Variants in ATP8B4 observed in about 807,000 individuals in gnomAD.
The protein encoded by ATP8B4 is probable phospholipid-transporting ATPase IM.
ATP8B4 carries 133 observed loss-of-function variants against 145.6 expected under a neutral mutation model. The observed-to-expected ratio is 0.91, with a 90% CI of 0.79 to 1.05. The LOEUF is 1.05. ATP8B4 is among the 50% of genes least tolerant of loss of function. The pLI is 0.00. For synonymous variants in ATP8B4, 507 were observed against 492.9 expected (o/e 1.03, Z -0.38); for missense variants, 1,458 against 1,425.2 (o/e 1.02, Z -0.37).
chr15:49,944,721 T>C (rs1421745750), intron 14 of ATP8B4, among the ~76,000 whole-genome samples: 2 of 152,020 alleles, frequency 1.3e-5, no homozygotes, highest in Admixed American at 1.3e-4. Flanking sequence ...GGACCCAACA[T>C]ATATACAACA....
chr15:50,082,375 GA>G (rs908057197), intron 2 of ATP8B4, among the ~76,000 whole-genome samples: 7 of 150,190 alleles, frequency 4.7e-5, no homozygotes, highest in African/African-American at 1.2e-4. Flanking sequence ...AGAATAGAAG[GA>G]AAAAAAAACC....
At chr15:50,072,960 CTCTCTCTCTCTCTCTCTCTCT>C (rs2053875571) in intron 3 of ATP8B4, among the ~76,000 whole-genome samples, 1 of 33,306 alleles carries the variant, frequency 3.0e-5, no homozygotes, top group Non-Finnish European at 5.3e-5. Flanking sequence ...CTCTCTCTCT[CTCTCTCTCTCTCTCTCTCTCT>C]ATATATATAT....
At chr15:49,891,413 C>T (rs2036777531) in intron 23 of ATP8B4, among the ~76,000 whole-genome samples, 1 of 152,078 alleles carries the variant, frequency 6.6e-6, no homozygotes, top group Admixed American at 6.6e-5. Flanking sequence ...GCAACCTCCA[C>T]CTCCCAGGTT....
At chr15:50,152,504 A>G (rs577564394) in intron 1 of ATP8B4, among the ~76,000 whole-genome samples, 1 of 152,300 alleles carries the variant, frequency 6.6e-6, no homozygotes, top group African/African-American at 2.4e-5. Flanking sequence ...TTGACAATTA[A>G]GCCTAATTAT....
At chr15:50,070,720 T>C (rs1197301469) in intron 3 of ATP8B4, among the ~76,000 whole-genome samples, 1 of 151,986 alleles carries the variant, frequency 6.6e-6, no homozygotes, top group African/African-American at 2.4e-5. Flanking sequence ...TTTATCTTGG[T>C]TTTTTGTGTT....
At chr15:49,953,086 T>G (rs1246469468) in intron 14 of ATP8B4, among the ~76,000 whole-genome samples, 1 of 152,120 alleles carries the variant, frequency 6.6e-6, no homozygotes, top group East Asian at 1.9e-4. Flanking sequence ...TGCCTTCTCC[T>G]TCTTCTGGGA....
At chr15:50,154,665 A>G (rs76093974) in intron 1 of ATP8B4, among the ~76,000 whole-genome samples, 14,608 of 152,090 alleles carry the variant, frequency 0.096, 966 homozygotes, top group African/African-American at 0.17. Context: ...TAAAACAAAC[A>G]TATTTATATT....
intron 2 of ATP8B4, among the ~76,000 whole-genome samples, chr15:50,100,797 A>T (rs1171489759): frequency 1.3e-5 from 2 of 152,204 alleles, no homozygotes; most frequent in Non-Finnish European, 2.9e-5. Context: ...CACAGCCAAA[A>T]CTTAGACTCA....
intron 19 of ATP8B4, chr15:49,917,313 A>G (rs916922059): frequency 2.7e-6 from 1 of 369,282 alleles, no homozygotes; most frequent in Non-Finnish European, 4.9e-6. Context: ...AAACCTTTTC[A>G]TTCCCAAATT....
chr15:49,867,242 T>C (rs1420435665), intron 25 of ATP8B4, among the ~76,000 whole-genome samples: 2 of 152,216 alleles, frequency 1.3e-5, no homozygotes, highest in African/African-American at 4.8e-5. Flanking sequence ...GTGATCCACG[T>C]CCAAGTGAAG....
chr15:50,152,770 T>G (rs1039139625), intron 1 of ATP8B4, among the ~76,000 whole-genome samples: 1 of 152,330 alleles, frequency 6.6e-6, no homozygotes, highest in African/African-American at 2.4e-5. Flanking sequence ...GAAAGTTACA[T>G]GGATTTTTAA....
At chr15:49,923,535 G>A (rs369412296) in intron 16 of ATP8B4, 41 bp from the exon 17 acceptor site, 707 of 1,346,658 alleles carry the variant, frequency 5.3e-4, no homozygotes, top group Non-Finnish European at 6.9e-4. Context: ...TATAATCAAC[G>A]TCATACATCA....
chr15:49,973,935 G>C (rs1006871690), intron 12 of ATP8B4, among the ~76,000 whole-genome samples: 2 of 151,824 alleles, frequency 1.3e-5, no homozygotes, highest in Non-Finnish European at 2.9e-5. Context: ...ATTTCTTCTT[G>C]GAACTATCTA....
chr15:50,032,709 C>T lies in ATP8B4; in HGVS notation c.362+6059G>A, dbSNP rs184280983. 1.6e-4 allele frequency among the ~76,000 whole-genome samples: 24 copies of T among 151,596 alleles called. No individual in the cohort carries two copies. The East Asian group carries it at 2.7e-3, about 17-fold the overall frequency. On this transcript the variant is annotated intron_variant, in intron 6 of 27. Transcript: ENST00000284509. ...GGAATGTTATGTAGCCCCTAAAAATCGTATGTATAAAGAAATAAGAAATCA... is the reference window on the plus strand; with the variant it reads ...GGAATGTTATGTAGCCCCTAAAAATTGTATGTATAAAGAAATAAGAAATCA...
At chr15:50,010,235 T>C (rs1409676197) in intron 7 of ATP8B4, among the ~76,000 whole-genome samples, 1 of 152,142 alleles carries the variant, frequency 6.6e-6, no homozygotes, top group Non-Finnish European at 1.5e-5. Flanking sequence ...TAATTTGAAC[T>C]ATAGTTAGTT....
intron 23 of ATP8B4, among the ~76,000 whole-genome samples, chr15:49,893,263 T>G (rs2037026716): frequency 6.6e-6 from 1 of 152,194 alleles, no homozygotes; most frequent in Non-Finnish European, 1.5e-5. Flanking sequence ...AACTGTAAAT[T>G]TTTAAGCCTG....
At chr15:49,956,590 G>C (rs957743669) in intron 14 of ATP8B4, among the ~76,000 whole-genome samples, 4 of 152,156 alleles carry the variant, frequency 2.6e-5, no homozygotes, top group African/African-American at 9.7e-5. Context: ...CACCCGGGCT[G>C]GAATGCAGTG....
chr15:49,902,515 G>T (rs1465213185), intron 20 of ATP8B4, among the ~76,000 whole-genome samples: 1 of 152,204 alleles, frequency 6.6e-6, no homozygotes, highest in Non-Finnish European at 1.5e-5. Context: ...AATCACATCT[G>T]CATTTAGGAA....
chr15:49,921,122 T>C (rs28687946), intron 17 of ATP8B4, among the ~76,000 whole-genome samples: 34,720 of 152,032 alleles, frequency 0.23, 5,669 homozygotes, highest in African/African-American at 0.46. Flanking sequence ...AAAGCTAATA[T>C]AGGTGGTTGC....
Sources: allele counts gnomAD v4.1 joint callset (sites outside exome capture counted in the v4.1 genomes callset), GRCh38; gene constraint gnomAD v4.1.1; transcripts MANE v1.5; gene names NCBI Gene and HGNC (gene_info 2026-07-23, HGNC 2026-07-21).